CRTAC1: variants seen among roughly 807,000 people sequenced by gnomAD.
CRTAC1 encodes cartilage acidic protein 1, also known as acidic secreted protein in cartilage.
In CRTAC1, 37 loss-of-function variants were observed where a neutral mutation model predicts 67.8. That is an observed-to-expected ratio of 0.55 (90% CI 0.42 to 0.72). The LOEUF (loss-of-function observed/expected upper bound fraction) is 0.72, where lower values mean the gene tolerates loss of function less well. CRTAC1 is among the 30% of genes least tolerant of loss of function. CRTAC1 has a pLI of 0.00. For missense variants in CRTAC1, 780 were observed against 931.6 expected, an observed-to-expected ratio of 0.84 and a Z score of 2.12; for synonymous variants, 348 against 371.0, an observed-to-expected ratio of 0.94 and a Z score of 0.71.
chr10:97,879,861 G>A lies in CRTAC1; in HGVS notation c.1819+388C>T, dbSNP rs1468080530. 67 of 1,151,394 alleles carry A rather than the reference G, an allele frequency of 5.8e-5. No individual in the cohort carries two copies. In the Admixed American group the frequency reaches 1.0e-3, roughly 18 times the overall value. 71.3% of individuals were successfully genotyped at this position (1,151,394 alleles called of 1,614,324 possible). On this transcript the variant is annotated intron_variant, in intron 14 of 14. Coordinates refer to ENST00000370597, the MANE Select transcript of CRTAC1 (RefSeq NM_018058.7). ...GGAAAAAGAGAAAGGGGGTGGGGACGGGGTGGGGGTGGAGGAAGGAGTTTG... is the reference window on the plus strand; with the variant it reads ...GGAAAAAGAGAAAGGGGGTGGGGACAGGGTGGGGGTGGAGGAAGGAGTTTG...
intron 14 of CRTAC1, among the ~76,000 whole-genome samples, chr10:97,878,125 T>C (rs2050167988): frequency 6.6e-6 from 1 of 152,190 alleles, no homozygotes; most frequent in Non-Finnish European, 1.5e-5. Context: ...CAAGATGGTG[T>C]GGTGGGAAAG....
At position 98,011,107 on chromosome 10, in the gene CRTAC1, ATC is replaced by A. The variant is rs762713449; in HGVS notation, c.224+29_224+30del. On this transcript the variant is annotated intron_variant, in intron 2 of 14. Transcript: ENST00000370597. ...CTTATTACAGCAAAATCTGATTAAT[ATC>A]TGTCACACTGAGGGTGGGAGGCACT... 5 of 1,595,932 alleles carry A rather than the reference ATC, an allele frequency of 3.1e-6. No homozygotes were observed. The South Asian group carries it at 5.5e-5, about 18-fold the overall frequency.
At chr10:97,978,640 T>C (rs1359071186) in intron 2 of CRTAC1, among the ~76,000 whole-genome samples, 1 of 152,206 alleles carries the variant, frequency 6.6e-6, no homozygotes, top group African/African-American at 2.4e-5. Context: ...ATTCTTGACA[T>C]AGGGACTCTT....
chr10:97,976,615 T>A (rs1449514971), intron 2 of CRTAC1, among the ~76,000 whole-genome samples: 1 of 152,228 alleles, frequency 6.6e-6, no homozygotes, highest in Admixed American at 6.5e-5. Flanking sequence ...TGCTCATCCC[T>A]CAGTTGAAAT....
At chr10:97,890,674 T>C (rs1180664284) in intron 11 of CRTAC1, among the ~76,000 whole-genome samples, 6 of 151,750 alleles carry the variant, frequency 4.0e-5, no homozygotes, top group Middle Eastern at 3.4e-3. Context: ...TTCTTTCTTT[T>C]TTTTTTTTTT....
chr10:97,914,167 C>T (rs1433410485), intron 5 of CRTAC1, among the ~76,000 whole-genome samples: 1 of 152,146 alleles, frequency 6.6e-6, no homozygotes, highest in Non-Finnish European at 1.5e-5. Flanking sequence ...GAGAGATGGA[C>T]CCCAGAGGGG....
At chr10:97,935,622 G>A (rs534768252) in intron 3 of CRTAC1, among the ~76,000 whole-genome samples, 3 of 152,308 alleles carry the variant, frequency 2.0e-5, no homozygotes, top group Admixed American at 6.5e-5. Flanking sequence ...TCTTCCTCAC[G>A]GTTGTGTCCT....
intron 2 of CRTAC1, among the ~76,000 whole-genome samples, chr10:97,993,224 G>A (rs191664895): frequency 6.6e-6 from 1 of 152,120 alleles, no homozygotes; most frequent in Admixed American, 6.5e-5. Flanking sequence ...AAATTATTGC[G>A]GTTTAATGAA....
chr10:97,904,963 A>C, intron 6 of CRTAC1, 149 bp from the exon 7 acceptor site: 3 of 902,016 alleles, frequency 3.3e-6, no homozygotes, highest in Non-Finnish European at 4.7e-6. Context: ...CTGCAGTCTC[A>C]GAAGCTCTCT....
chr10:97,893,261 T>C (rs2050402554), intron 11 of CRTAC1, among the ~76,000 whole-genome samples: 1 of 145,550 alleles, frequency 6.9e-6, no homozygotes, highest in Non-Finnish European at 1.5e-5. Flanking sequence ...CAGTTTTTTT[T>C]CTGCACATAT....
chr10:97,972,106 AT>A (rs2136653995), intron 2 of CRTAC1, among the ~76,000 whole-genome samples: 1 of 152,306 alleles, frequency 6.6e-6, no homozygotes, highest in South Asian at 2.1e-4. Flanking sequence ...GAGCCTAACC[AT>A]ATGCCCAGAG....
At chr10:97,894,079 T>C (rs2136554719) in intron 11 of CRTAC1, among the ~76,000 whole-genome samples, 1 of 152,340 alleles carries the variant, frequency 6.6e-6, no homozygotes, top group African/African-American at 2.4e-5. Context: ...TGTGTGGATA[T>C]AAGTTTTCAT....
intron 11 of CRTAC1, among the ~76,000 whole-genome samples, chr10:97,891,735 G>T (rs554439475): frequency 1.3e-5 from 2 of 152,096 alleles, no homozygotes; most frequent in Non-Finnish European, 2.9e-5. Flanking sequence ...CTCCACTGGC[G>T]CCCTCGCTCC....
Position 97,865,026 on chromosome 10 carries a change from G to C in CRTAC1, c.*522C>G, listed in dbSNP as rs1014611229. The C allele has an allele frequency of 6.5e-6, 1 of 152,684 alleles. No homozygotes were observed. Among genetic ancestry groups the C allele is most frequent in the Non-Finnish European group, 1.5e-5 (1 of 68,380 alleles). The allele number at this position is 152,684 out of a possible 1,614,324, so 9.5% of individuals were successfully genotyped here. A position where few individuals can be genotyped will look rare whatever the true frequency, so the allele number is the denominator to read the frequency against. On this transcript the variant is annotated 3_prime_UTR_variant, in exon 15 of 15. Transcript: ENST00000370597. ...CACGTGTTGACAAAGCCCAGTGAGAGGCACTTGTTTTTATTGAGCCTTTAC... is the reference window on the plus strand; with the variant it reads ...CACGTGTTGACAAAGCCCAGTGAGACGCACTTGTTTTTATTGAGCCTTTAC...
At chr10:97,923,634 C>T (rs2050872794) in intron 3 of CRTAC1, among the ~76,000 whole-genome samples, 1 of 152,160 alleles carries the variant, frequency 6.6e-6, no homozygotes, top group African/African-American at 2.4e-5. Context: ...GCCCAGGCCT[C>T]AGGAACTAGG....
At chr10:97,886,531 G>A (rs1481387618) in intron 11 of CRTAC1, among the ~76,000 whole-genome samples, 1 of 152,170 alleles carries the variant, frequency 6.6e-6, no homozygotes, top group Non-Finnish European at 1.5e-5. Context: ...TCTGGGTTTT[G>A]CTTTATCAAG....
intron 2 of CRTAC1, among the ~76,000 whole-genome samples, chr10:97,968,619 G>A (rs2051657540): frequency 6.6e-6 from 1 of 152,160 alleles, no homozygotes; most frequent in Non-Finnish European, 1.5e-5. Flanking sequence ...AAGGAAATAA[G>A]GAATTGACTG....
chr10:97,975,531 G>C lies in CRTAC1; in HGVS notation c.224+35607C>G, dbSNP rs73334619. On this transcript the variant is annotated intron_variant, in intron 2 of 14. Transcript: ENST00000370597. This position sits in a 1 kb window ranked among gnomAD's most constrained non-coding sequence, Gnocchi z 4.8. ...AGAGCAGAAAGAGGATTACCCTGTC[G>C]GCATTTTGGCCCAGTCGGAATGGAG... is the stretch of plus-strand genomic sequence containing the variant. Among the ~76,000 whole-genome samples, 11 of 152,148 alleles carry C rather than the reference G, an allele frequency of 7.2e-5. No homozygotes were observed. The highest frequency in any genetic ancestry group is 2.7e-4 in the African/African-American group (11 of 41,422).
chr10:97,943,408 C>T (rs986045381), intron 2 of CRTAC1, among the ~76,000 whole-genome samples: 1 of 152,194 alleles, frequency 6.6e-6, no homozygotes, highest in Non-Finnish European at 1.5e-5. Context: ...TAGAAAGTCT[C>T]GAAGTCATGG....
Sources: allele counts gnomAD v4.1 joint callset (sites outside exome capture counted in the v4.1 genomes callset), GRCh38; gene constraint gnomAD v4.1.1; non-coding constraint Gnocchi (gnomAD v3.1); transcripts MANE v1.5; gene names NCBI Gene and HGNC (gene_info 2026-07-23, HGNC 2026-07-21).